EVA1A: variants seen among roughly 807,000 people sequenced by gnomAD.
EVA1A encodes the protein protein eva-1 homolog A.
In EVA1A, 7 loss-of-function variants were observed where a neutral mutation model predicts 9.8. The ratio of observed to expected loss-of-function variants is 0.71; its 90% confidence interval spans 0.41 to 1.34. The LOEUF (loss-of-function observed/expected upper bound fraction) is 1.34, where lower values mean the gene tolerates loss of function less well. Ranked by LOEUF, EVA1A falls within the 40% of genes most tolerant of loss-of-function variation. EVA1A has a pLI of 0.01. For missense variants in EVA1A, 206 were observed against 205.9 expected (o/e 1.00, Z 0.00); for synonymous variants, 90 against 85.6 (o/e 1.05, Z -0.28).
chr2:75,537,346 T>C (rs1675947237), intron 1 of EVA1A, among the ~76,000 whole-genome samples: 1 of 152,212 alleles, frequency 6.6e-6, no homozygotes, highest in Non-Finnish European at 1.5e-5. Flanking sequence ...AAAAGACCTA[T>C]AGCTAACATT....
intron 3 of EVA1A, among the ~76,000 whole-genome samples, chr2:75,513,699 C>T (rs560068151): frequency 4.6e-5 from 7 of 152,220 alleles, no homozygotes; most frequent in Non-Finnish European, 7.4e-5. Context: ...AAATATTATT[C>T]GGCCTTAACA....
chr2:75,518,033 C>A (rs770229887), intron 3 of EVA1A, 23 bp downstream of exon 3: 10 of 1,613,326 alleles, frequency 6.2e-6, no homozygotes, highest in Non-Finnish European at 8.5e-6. Flanking sequence ...TCAGTCCTGG[C>A]CCAGTGGAAA....
chr2:75,557,773 T>G (rs1259359570), intron 1 of EVA1A, among the ~76,000 whole-genome samples: 1 of 152,212 alleles, frequency 6.6e-6, no homozygotes, highest in African/African-American at 2.4e-5. Context: ...CTAACCCCAA[T>G]GTCCTGCCCC....
chr2:75,516,905 C>T (rs1558677828), intron 3 of EVA1A, among the ~76,000 whole-genome samples: 1 of 152,120 alleles, frequency 6.6e-6, no homozygotes, highest in African/African-American at 2.4e-5. Flanking sequence ...GATGAGATTC[C>T]TCTAATGGGT....
chr2:75,554,795 G>A (rs1312664588), intron 1 of EVA1A, among the ~76,000 whole-genome samples: 1 of 152,184 alleles, frequency 6.6e-6, no homozygotes, highest in Non-Finnish European at 1.5e-5. Context: ...TTCCCTGGAG[G>A]AAGGATGGTC....
At chr2:75,517,284 T>C (rs148575910) in intron 3 of EVA1A, among the ~76,000 whole-genome samples, 18 of 152,248 alleles carry the variant, frequency 1.2e-4, no homozygotes, top group Non-Finnish European at 2.6e-4. Context: ...GGAAATCCAA[T>C]TGAAACCCTA....
At chr2:75,508,661 TG>T (rs1674703785) in intron 3 of EVA1A, among the ~76,000 whole-genome samples, 1 of 152,076 alleles carries the variant, frequency 6.6e-6, no homozygotes. Flanking sequence ...GTAAAGTACT[TG>T]ATGTCTGTGA....
intron 1 of EVA1A, among the ~76,000 whole-genome samples, chr2:75,541,492 T>C (rs2103938472): frequency 6.6e-6 from 1 of 152,324 alleles, no homozygotes; most frequent in East Asian, 1.9e-4. Flanking sequence ...CTAATCTCTA[T>C]GCCCTCATGG....
intron 3 of EVA1A, among the ~76,000 whole-genome samples, chr2:75,513,225 T>C (rs139423765): frequency 4.3e-4 from 66 of 152,320 alleles, no homozygotes; most frequent in African/African-American, 1.5e-3. Context: ...ATTACTCCAG[T>C]CAAGTGCATA....
At chr2:75,512,222 C>T (rs1252440952) in intron 3 of EVA1A, among the ~76,000 whole-genome samples, 1 of 152,076 alleles carries the variant, frequency 6.6e-6, no homozygotes, top group Non-Finnish European at 1.5e-5. Flanking sequence ...TTAATGAGGT[C>T]AGTATTATTA....
chr2:75,558,574 C>A (rs1225947743), intron 1 of EVA1A: 1 of 152,250 alleles, frequency 6.6e-6, no homozygotes, highest in Non-Finnish European at 1.5e-5. Flanking sequence ...TGGGGCAGGG[C>A]AGGGAGCAAC....
At chr2:75,530,934 T>C (rs1675624111) in intron 1 of EVA1A, among the ~76,000 whole-genome samples, 1 of 152,116 alleles carries the variant, frequency 6.6e-6, no homozygotes. Flanking sequence ...ATAAAGGTCA[T>C]TCAAATTGGT....
chr2:75,495,483 T>A (rs1351673109), intron 3 of EVA1A, among the ~76,000 whole-genome samples: 1 of 152,206 alleles, frequency 6.6e-6, no homozygotes, highest in Non-Finnish European at 1.5e-5. Flanking sequence ...TTGTTCCAGG[T>A]CACGCTCACA....
At chr2:75,520,434 TC>T (rs1472211108) in intron 2 of EVA1A, among the ~76,000 whole-genome samples, 1 of 152,192 alleles carries the variant, frequency 6.6e-6, no homozygotes, top group Non-Finnish European at 1.5e-5. Flanking sequence ...CTTCCTGATT[TC>T]AAAACTTATT....
In EVA1A at chr2:75,502,763, A is replaced by C. The variant is rs372816202; in HGVS notation, c.86-9154T>G. 2.0e-5 allele frequency among the ~76,000 whole-genome samples: 3 copies of C among 152,234 alleles called. No individual in the cohort carries two copies. In the South Asian group the frequency reaches 6.2e-4, roughly 31 times the overall value. ...TATGCTGATCATCTGTAATACCGTC[A>C]GCCATTACCACTGTTCAGCAGGGTA... is the stretch of plus-strand genomic sequence containing the variant. On this transcript the variant is annotated intron_variant, in intron 3 of 3. Coordinates refer to ENST00000393913, the MANE Select transcript of EVA1A (RefSeq NM_001135032.2).
intron 2 of EVA1A, chr2:75,518,712 G>C (rs1396915436): frequency 2.0e-6 from 2 of 986,692 alleles, no homozygotes; most frequent in Non-Finnish European, 2.4e-6. Flanking sequence ...TCAAATCATC[G>C]TCACATTCAT....
intron 1 of EVA1A, among the ~76,000 whole-genome samples, chr2:75,549,823 G>C (rs188570968): frequency 6.1e-4 from 93 of 152,296 alleles, no homozygotes; most frequent in African/African-American, 2.1e-3. Flanking sequence ...AAGGCCCTCT[G>C]TGAAGGTGTG....
chr2:75,516,380 T>G (rs527545874), intron 3 of EVA1A, among the ~76,000 whole-genome samples: 1 of 152,232 alleles, frequency 6.6e-6, no homozygotes, highest in African/African-American at 2.4e-5. Flanking sequence ...CATTTCCTTG[T>G]GTTTTCTTTT....
intron 3 of EVA1A, among the ~76,000 whole-genome samples, chr2:75,494,177 A>G (rs1674124950): frequency 6.6e-6 from 1 of 152,226 alleles, no homozygotes; most frequent in African/African-American, 2.4e-5. Flanking sequence ...CAGGACACCT[A>G]TACATGGATT....
Sources: gnomAD v4.1 joint callset for allele counts (sites outside exome capture counted in the v4.1 genomes callset) on GRCh38, gnomAD v4.1.1 for gene constraint, MANE v1.5 for transcripts, NCBI Gene and HGNC (gene_info 2026-07-23, HGNC 2026-07-21) for gene names.